The following ZNF804A variants were observed in gnomAD, a reference collection of about 807,000 sequenced individuals.
ZNF804A encodes the protein zinc finger protein 804A.
A neutral mutation model predicts 16.5 loss-of-function variants in ZNF804A; 2 were observed. The ratio of observed to expected loss-of-function variants is 0.12; its 90% CI spans 0.05 to 0.38. The LOEUF is 0.38. Among genes scored for constraint, ZNF804A ranks in the 10% least tolerant of loss-of-function variants. The probability of loss-of-function intolerance (pLI) is 0.99; values close to 1 mark genes in which losing one functional copy is unlikely to be tolerated. For missense variants in ZNF804A, 1,473 were observed against 1,390.7 expected (o/e 1.06, Z -0.94); for synonymous variants, 534 against 489.6 (o/e 1.09, Z -1.20).
chr2:184,908,785 G>A (rs1685316911), intron 2 of ZNF804A, among the ~76,000 whole-genome samples: 1 of 152,004 alleles, frequency 6.6e-6, no homozygotes, highest in Non-Finnish European at 1.5e-5. Flanking sequence ...ATTTCTTCAT[G>A]GTTTTACAAA....
intron 1 of ZNF804A, among the ~76,000 whole-genome samples, chr2:184,700,567 A>C (rs1055517245): frequency 2.0e-5 from 3 of 152,132 alleles, no homozygotes; most frequent in African/African-American, 7.2e-5. Context: ...TTATGAACTG[A>C]CATTAGGGCA....
chr2:184,824,026 T>G (rs1212082637), intron 1 of ZNF804A, among the ~76,000 whole-genome samples: 1 of 152,148 alleles, frequency 6.6e-6, no homozygotes, highest in African/African-American at 2.4e-5. Flanking sequence ...CATTGTAAGA[T>G]TTTATATTTA....
chr2:184,765,312 G>A (rs536786413), intron 1 of ZNF804A, among the ~76,000 whole-genome samples: 3 of 152,162 alleles, frequency 2.0e-5, no homozygotes, highest in Admixed American at 2.0e-4. Flanking sequence ...AGGGAGGAGA[G>A]CACCCCTCCT....
chr2:184,776,523 G>T (rs200791082), intron 1 of ZNF804A, among the ~76,000 whole-genome samples: 1 of 150,020 alleles, frequency 6.7e-6, no homozygotes, highest in Non-Finnish European at 1.5e-5. Flanking sequence ...TTAGTACTTC[G>T]GAATGTGTAA....
intron 1 of ZNF804A, among the ~76,000 whole-genome samples, chr2:184,658,187 G>GT (rs905373013): frequency 6.6e-6 from 1 of 152,064 alleles, no homozygotes; most frequent in Non-Finnish European, 1.5e-5. Context: ...ACACTGAGAA[G>GT]TTTTTTTCCC....
chr2:184,833,114 G>T (rs1029209594), intron 1 of ZNF804A, among the ~76,000 whole-genome samples: 75 of 151,880 alleles, frequency 4.9e-4, no homozygotes, highest in Admixed American at 4.8e-3. Context: ...ATTCACACCA[G>T]CAGTACCCCA....
At chr2:184,838,532 A>T (rs890387374) in intron 1 of ZNF804A, among the ~76,000 whole-genome samples, 1 of 152,124 alleles carries the variant, frequency 6.6e-6, no homozygotes, top group African/African-American at 2.4e-5. Context: ...TTTGCTAATT[A>T]AACTTTTCTT....
intron 1 of ZNF804A, among the ~76,000 whole-genome samples, chr2:184,629,169 T>TAAACACATAAAA (rs1366111475): frequency 5.9e-5 from 9 of 152,164 alleles, no homozygotes; most frequent in Admixed American, 2.0e-4. Flanking sequence ...TCATAGTATA[T>TAAACACATAAAA]TCCTTTGTTG....
chr2:184,624,393 A>C (rs1483818662), intron 1 of ZNF804A, among the ~76,000 whole-genome samples: 1 of 152,164 alleles, frequency 6.6e-6, no homozygotes, highest in Non-Finnish European at 1.5e-5. Context: ...TTTGATAAAA[A>C]TATAATTTTA....
At chr2:184,805,174 T>C (rs1193130990) in intron 1 of ZNF804A, among the ~76,000 whole-genome samples, 1 of 152,166 alleles carries the variant, frequency 6.6e-6, no homozygotes, top group Non-Finnish European at 1.5e-5. Flanking sequence ...AAGAACCTCC[T>C]TCTCAGTTTT....
chr2:184,928,732 C>T (rs1054226797), intron 2 of ZNF804A, among the ~76,000 whole-genome samples: 3 of 152,210 alleles, frequency 2.0e-5, no homozygotes, highest in Non-Finnish European at 4.4e-5. Context: ...CCATTCCCCT[C>T]TGGCTAGGGC....
chr2:184,746,020 C>T (rs1693784421), intron 1 of ZNF804A, among the ~76,000 whole-genome samples: 1 of 151,344 alleles, frequency 6.6e-6, no homozygotes, highest in African/African-American at 2.4e-5. Context: ...ATTTTTTCCC[C>T]TAGAAAGGAT....
intron 1 of ZNF804A, among the ~76,000 whole-genome samples, chr2:184,864,094 A>G (rs961577977): frequency 6.6e-6 from 1 of 152,186 alleles, no homozygotes; most frequent in Non-Finnish European, 1.5e-5. Context: ...TAATTTATAC[A>G]GAAAATAGGT....
chr2:184,850,804 C>A (rs992059042), intron 1 of ZNF804A, among the ~76,000 whole-genome samples: 2 of 151,590 alleles, frequency 1.3e-5, no homozygotes, highest in African/African-American at 4.8e-5. Flanking sequence ...TAACAGTTCC[C>A]AATCTATTTA....
At chr2:184,840,373 G>A (rs754659829) in intron 1 of ZNF804A, among the ~76,000 whole-genome samples, 1 of 151,830 alleles carries the variant, frequency 6.6e-6, no homozygotes. Flanking sequence ...AACAGAGTGA[G>A]ACTCTGTCTC....
chr2:184,914,545 A>C (rs1685416020), intron 2 of ZNF804A, among the ~76,000 whole-genome samples: 1 of 152,192 alleles, frequency 6.6e-6, no homozygotes, highest in East Asian at 1.9e-4. Context: ...CAAATTTCCT[A>C]ATAACAGAAA....
intron 2 of ZNF804A, among the ~76,000 whole-genome samples, chr2:184,923,210 T>C (rs1054975396): frequency 1.3e-5 from 2 of 151,974 alleles, no homozygotes; most frequent in African/African-American, 4.8e-5. Context: ...CTTTTTGGAG[T>C]CCTCTTCAAT....
intron 1 of ZNF804A, among the ~76,000 whole-genome samples, chr2:184,682,241 G>T (rs533781749): frequency 2.0e-3 from 306 of 152,320 alleles, no homozygotes; most frequent in Non-Finnish European, 3.4e-3. Flanking sequence ...GAGGGTGTCA[G>T]CAATGCTCAG....
chr2:184,843,550 A>C (rs1319977904), intron 1 of ZNF804A, among the ~76,000 whole-genome samples: 2 of 152,158 alleles, frequency 1.3e-5, no homozygotes, highest in Admixed American at 6.5e-5. Context: ...CTGGGATTAC[A>C]GGCGTGAGCC....
Sources: gnomAD v4.1 joint callset for allele counts (sites outside exome capture counted in the v4.1 genomes callset) on GRCh38, gnomAD v4.1.1 for gene constraint, MANE v1.5 for transcripts, NCBI Gene and HGNC (gene_info 2026-07-23, HGNC 2026-07-21) for gene names.